The following NTM variants were observed in gnomAD, a reference collection of about 807,000 sequenced individuals.
NTM encodes IgLON family member 2.
A neutral mutation model predicts 42.1 loss-of-function variants in NTM; 13 were observed. That is an observed-to-expected ratio of 0.31 (90% CI 0.20 to 0.49). The LOEUF is 0.49. Ranked by LOEUF, NTM falls within the 20% of genes least tolerant of loss-of-function variation. The pLI, the probability that NTM is intolerant of heterozygous loss-of-function variation, is 0.99. For missense variants in NTM, 373 were observed against 452.8 expected (o/e 0.82, Z 1.60); for synonymous variants, 187 against 179.2 (o/e 1.04, Z -0.35).
intron 2 of NTM, among the ~76,000 whole-genome samples, chr11:132,000,178 T>A (rs915073259): frequency 2.0e-5 from 3 of 152,120 alleles, no homozygotes; most frequent in Non-Finnish European, 4.4e-5. Flanking sequence ...TCCCAGACAG[T>A]CCCTGCCTTT....
chr11:132,207,563 T>C (rs1331830258), intron 3 of NTM, among the ~76,000 whole-genome samples: 3 of 152,172 alleles, frequency 2.0e-5, no homozygotes, highest in African/African-American at 7.2e-5. Flanking sequence ...CCTGAAACCA[T>C]TCCTTCCCGC....
chr11:132,078,805 C>T (rs1392055781), intron 2 of NTM, among the ~76,000 whole-genome samples: 1 of 152,152 alleles, frequency 6.6e-6, no homozygotes, highest in Non-Finnish European at 1.5e-5. Flanking sequence ...CTTTAAGAGC[C>T]GTTGGATCTG....
chr11:132,225,157 T>G (rs2138930093), intron 4 of NTM, among the ~76,000 whole-genome samples: 1 of 152,236 alleles, frequency 6.6e-6, no homozygotes, highest in Admixed American at 6.5e-5. Flanking sequence ...ATTTATTGAG[T>G]AGCTAAAGCA....
At chr11:131,512,244 C>A (rs867216756) in intron 1 of NTM, among the ~76,000 whole-genome samples, 1 of 152,182 alleles carries the variant, frequency 6.6e-6, no homozygotes, top group Non-Finnish European at 1.5e-5. Context: ...GAATTGATTA[C>A]GGAAAAATCA....
At chr11:132,182,831 TA>T (rs1307188551) in intron 3 of NTM, among the ~76,000 whole-genome samples, 1 of 152,144 alleles carries the variant, frequency 6.6e-6, no homozygotes, top group African/African-American at 2.4e-5. Flanking sequence ...CATCAAATTC[TA>T]CCACTGACCT....
intron 1 of NTM, among the ~76,000 whole-genome samples, chr11:131,722,292 T>A (rs1301647498): frequency 6.6e-6 from 1 of 152,166 alleles, no homozygotes; most frequent in Non-Finnish European, 1.5e-5. Context: ...CTATTCTGCA[T>A]CTCTAGTCAG....
chr11:132,203,105 G>A (rs1399994098), intron 3 of NTM, among the ~76,000 whole-genome samples: 1 of 152,230 alleles, frequency 6.6e-6, no homozygotes, highest in African/African-American at 2.4e-5. Context: ...CAAAAGAATG[G>A]GGTCCTGTTG....
At chr11:131,913,489 T>C (rs1317867365) in intron 2 of NTM, among the ~76,000 whole-genome samples, 1 of 152,220 alleles carries the variant, frequency 6.6e-6, no homozygotes, top group Non-Finnish European at 1.5e-5. Context: ...AGAGGGTGGC[T>C]GCATTCAGCA....
At chr11:132,165,165 C>CA (rs934437326) in intron 3 of NTM, among the ~76,000 whole-genome samples, 1 of 152,212 alleles carries the variant, frequency 6.6e-6, no homozygotes, top group African/African-American at 2.4e-5. Flanking sequence ...GGAATCTCCT[C>CA]TCAAAAGTGG....
At chr11:131,774,031 G>T in intron 1 of NTM, 1 of 983,936 alleles carries the variant, frequency 1.0e-6, no homozygotes, top group Non-Finnish European at 1.2e-6. Flanking sequence ...ATAGTCAATA[G>T]CCTTGGTGTC....
chr11:131,993,007 T>C (rs2067306784), intron 2 of NTM, among the ~76,000 whole-genome samples: 2 of 152,318 alleles, frequency 1.3e-5, no homozygotes, highest in South Asian at 4.1e-4. Flanking sequence ...GTTTACCCAC[T>C]AAGTATTCTG....
chr11:131,508,568 A>C (rs1591872441), intron 1 of NTM, among the ~76,000 whole-genome samples: 1 of 143,926 alleles, frequency 6.9e-6, no homozygotes, highest in East Asian at 2.0e-4. Flanking sequence ...TCATGCTGCT[A>C]TAAAGACACA....
chr11:132,171,210 G>C (rs1268350715), intron 3 of NTM, among the ~76,000 whole-genome samples: 1 of 152,168 alleles, frequency 6.6e-6, no homozygotes, highest in African/African-American at 2.4e-5. Flanking sequence ...GGTCAAACAA[G>C]CATGAGCATG....
At chr11:131,454,209 T>A (rs571914219) in intron 1 of NTM, among the ~76,000 whole-genome samples, 8 of 152,292 alleles carry the variant, frequency 5.3e-5, no homozygotes, top group Admixed American at 5.2e-4. Context: ...TATTTTATTA[T>A]GAGTTATTGT....
intron 1 of NTM, among the ~76,000 whole-genome samples, chr11:131,521,252 T>C (rs1334375140): frequency 6.7e-6 from 1 of 149,478 alleles, no homozygotes; most frequent in East Asian, 2.0e-4. Flanking sequence ...GAAGTGGAGG[T>C]TGCAGTGAGC....
At chr11:132,281,850 C>T (rs1356469790) in intron 4 of NTM, among the ~76,000 whole-genome samples, 1 of 152,104 alleles carries the variant, frequency 6.6e-6, no homozygotes, top group African/African-American at 2.4e-5. Context: ...ATAAAAAGAA[C>T]AAGAAATCTT....
At chr11:131,899,599 A>G (rs1188247974) in intron 1 of NTM, among the ~76,000 whole-genome samples, 1 of 152,244 alleles carries the variant, frequency 6.6e-6, no homozygotes, top group Non-Finnish European at 1.5e-5. Context: ...TACATGAGTC[A>G]TACTTCAAAG....
intron 1 of NTM, among the ~76,000 whole-genome samples, chr11:131,600,385 T>C (rs535570697): frequency 1.3e-5 from 2 of 152,298 alleles, no homozygotes; most frequent in African/African-American, 4.8e-5. Context: ...GTGATTAAAA[T>C]ATATATTATT....
chr11:131,504,979 C>T (rs1396844498), intron 1 of NTM, among the ~76,000 whole-genome samples: 2 of 152,144 alleles, frequency 1.3e-5, no homozygotes, highest in Admixed American at 6.5e-5. Context: ...GGCTGGACAA[C>T]AGGCAGAGGC....
Sources: allele counts gnomAD v4.1 joint callset (sites outside exome capture counted in the v4.1 genomes callset), GRCh38; gene constraint gnomAD v4.1.1; transcripts MANE v1.5; gene names NCBI Gene and HGNC (gene_info 2026-07-23, HGNC 2026-07-21).